Variants in PARP9 observed in about 807,000 individuals in gnomAD.
The protein encoded by PARP9 is poly(ADP-ribose) polymerase family member 9, also known as protein mono-ADP-ribosyltransferase PARP9.
PARP9 carries 48 observed loss-of-function variants against 68.8 expected under a neutral mutation model. The ratio of observed to expected loss-of-function variants is 0.70; its 90% confidence interval spans 0.55 to 0.89. The LOEUF (loss-of-function observed/expected upper bound fraction) is 0.89, where lower values mean the gene tolerates loss of function less well. Ranked by LOEUF, PARP9 falls within the 40% of genes least tolerant of loss-of-function variation. The pLI is 0.00. For missense variants in PARP9, 806 were observed against 969.3 expected (o/e 0.83, Z 2.24); for synonymous variants, 309 against 333.8 (o/e 0.93, Z 0.81).
At chr3:122,556,456 T>A (rs907723945) in intron 3 of PARP9, among the ~76,000 whole-genome samples, 1 of 152,138 alleles carries the variant, frequency 6.6e-6, no homozygotes, top group Non-Finnish European at 1.5e-5. Flanking sequence ...TAAAAATATA[T>A]ATAAAAGTGG....
At chr3:122,558,349 C>T (rs1351131627) in intron 3 of PARP9, 85 bp downstream of exon 3, 1 of 1,614,110 alleles carries the variant, frequency 6.2e-7, no homozygotes, top group East Asian at 2.2e-5. Flanking sequence ...GTAGGGGAGA[C>T]ATTCTTCTGT....
At chr3:122,528,789 A>G in intron 10 of PARP9, 46 bp from the exon 11 acceptor site, 1 of 1,463,288 alleles carries the variant, frequency 6.8e-7, no homozygotes, top group South Asian at 1.4e-5. Context: ...TAATCTGGTA[A>G]ATGATATTGC....
At chr3:122,534,545 A>G in intron 10 of PARP9, 1 of 662,140 alleles carries the variant, frequency 1.5e-6, no homozygotes. Context: ...ATCACTATAT[A>G]ATGAGTATGT....
At chr3:122,534,928 T>C in intron 10 of PARP9, 1 of 980,138 alleles carries the variant, frequency 1.0e-6, no homozygotes, top group Non-Finnish European at 1.2e-6. Context: ...GAGCTGATGA[T>C]GAGTCTGGCT....
intron 6 of PARP9, among the ~76,000 whole-genome samples, chr3:122,549,642 A>C (rs947982202): frequency 5.9e-5 from 9 of 152,162 alleles, no homozygotes; most frequent in Non-Finnish European, 1.5e-5. Context: ...TTAGCCAGGC[A>C]TGGTAGCATG....
At chr3:122,550,910 G>T (rs1167156213) in intron 5 of PARP9, 108 bp from the exon 6 acceptor site, 1 of 992,468 alleles carries the variant, frequency 1.0e-6, no homozygotes, top group South Asian at 1.6e-5. Context: ...CCTCCCTCAG[G>T]GTTCGTGTCC....
intron 1 of PARP9, among the ~76,000 whole-genome samples, chr3:122,563,722 T>C (rs9841897): frequency 0.12 from 18,019 of 151,828 alleles, 1,282 homozygotes; most frequent in East Asian, 0.33. Context: ...GTCCTCCCCA[T>C]CTCGCCGCCA....
chr3:122,549,099 C>T (rs751428683), intron 6 of PARP9, among the ~76,000 whole-genome samples: 1 of 151,896 alleles, frequency 6.6e-6, no homozygotes, highest in Non-Finnish European at 1.5e-5. Flanking sequence ...ACTCCAACCT[C>T]CGCCTCCTGG....
At chr3:122,548,042 C>T (rs185658154) in intron 6 of PARP9, among the ~76,000 whole-genome samples, 267 of 152,210 alleles carry the variant, frequency 1.8e-3, no homozygotes, top group Middle Eastern at 6.8e-3. Flanking sequence ...GTGGGTGAGG[C>T]GCAGTGGGAT....
At chr3:122,552,853 G>A (rs780255754) in intron 4 of PARP9, among the ~76,000 whole-genome samples, 1 of 152,110 alleles carries the variant, frequency 6.6e-6, no homozygotes, top group Non-Finnish European at 1.5e-5. Context: ...CAGAAATTAT[G>A]TAAATGTACG....
chr3:122,528,284 A>AC lies in PARP9; in HGVS notation c.*79dup. 3 of 1,520,396 alleles carry AC rather than the reference A, an allele frequency of 2.0e-6. No homozygotes were observed. The highest frequency in any genetic ancestry group is 2.7e-6 in the Non-Finnish European group (3 of 1,124,024). The allele number at this position is 1,520,396 out of a possible 1,614,324, so 94.2% of individuals were successfully genotyped here. On this transcript the variant is annotated 3_prime_UTR_variant, in exon 11 of 11. Transcript: ENST00000682323. Reference sequence around the variant, plus strand: ...ATAACCCATGGGATATATTCAAGCCACTCTTTGAGCCATCGATGGTCATTA... The same window carrying AC: ...ATAACCCATGGGATATATTCAAGCCACCTCTTTGAGCCATCGATGGTCATTA...
chr3:122,545,673 C>T (rs541984191), intron 6 of PARP9, 184 bp from the exon 7 acceptor site: 20 of 574,416 alleles, frequency 3.5e-5, no homozygotes, highest in African/African-American at 1.1e-4. Flanking sequence ...TATTAGAACA[C>T]GGAAAGAATA....
rs759643760 is a variant in PARP9 at position 122,558,438 on chromosome 3, T to C, written c.45A>G (p.Lys15=). The part of the protein sequence containing the change: ...MVAGAAAYNE[K]SETGALGENY... ...GTGAGAGCGAGGTAATCCTACCTGA[T>C]TTTTCATTGTAAGCTGCTGCTCCGG... Residue 15 remains lysine, a synonymous_variant, in exon 3 of 11, where the codon AAA becomes AAG. Coordinates refer to ENST00000682323, the MANE Select transcript of PARP9 (RefSeq NM_001146105.2). 1.2e-5 allele frequency: 19 copies of C among 1,613,936 alleles called. No individual in the cohort carries two copies. The highest frequency in any genetic ancestry group is 1.6e-5 in the Non-Finnish European group (19 of 1,179,970).
chr3:122,560,758 C>G (rs2080136144), intron 1 of PARP9, among the ~76,000 whole-genome samples: 1 of 152,204 alleles, frequency 6.6e-6, no homozygotes, highest in African/African-American at 2.4e-5. Context: ...ACTATTCTTA[C>G]TCATCAAGGG....
At chr3:122,528,963 T>C (rs2077105032) in intron 10 of PARP9, among the ~76,000 whole-genome samples, 1 of 152,028 alleles carries the variant, frequency 6.6e-6, no homozygotes, top group Admixed American at 6.6e-5. Flanking sequence ...AATATACCAT[T>C]AGGGCTGGGC....
chr3:122,547,027 TAC>T (rs2078779365), intron 6 of PARP9, among the ~76,000 whole-genome samples: 1 of 96,174 alleles, frequency 1.0e-5, no homozygotes, highest in Non-Finnish European at 2.3e-5. Context: ...CACACACACA[TAC>T]ACACACATAT....
intron 7 of PARP9, among the ~76,000 whole-genome samples, chr3:122,544,633 A>G (rs1022739636): frequency 1.3e-5 from 2 of 152,122 alleles, no homozygotes; most frequent in African/African-American, 4.8e-5. Flanking sequence ...TCTGGGCAAC[A>G]TGGCGAAACC....
intron 6 of PARP9, among the ~76,000 whole-genome samples, chr3:122,546,984 A>G (rs1311897614): frequency 1.4e-5 from 1 of 71,958 alleles, no homozygotes; most frequent in Non-Finnish European, 3.0e-5. Flanking sequence ...ATATATATAT[A>G]TATATATATA....
At chr3:122,529,484 C>T (rs1442703872) in intron 10 of PARP9, among the ~76,000 whole-genome samples, 1 of 151,830 alleles carries the variant, frequency 6.6e-6, no homozygotes, top group Non-Finnish European at 1.5e-5. Flanking sequence ...GGCGCGGTGG[C>T]TCACGCCTGT....
Sources: allele counts gnomAD v4.1 joint callset (sites outside exome capture counted in the v4.1 genomes callset), GRCh38; gene constraint gnomAD v4.1.1; transcripts MANE v1.5; gene names NCBI Gene and HGNC (gene_info 2026-07-23, HGNC 2026-07-21).